The following GRIA4 variants were observed in gnomAD, a reference collection of about 807,000 sequenced individuals.
GRIA4 encodes glutamate receptor 4.
A neutral mutation model predicts 104.0 loss-of-function variants in GRIA4; 34 were observed. The ratio of observed to expected loss-of-function variants is 0.33; its 90% CI spans 0.25 to 0.44. GRIA4 has a LOEUF of 0.44. GRIA4 is among the 20% of genes least tolerant of loss of function. The probability of loss-of-function intolerance (pLI) is 1.00; values close to 1 mark genes in which losing one functional copy is unlikely to be tolerated. For missense variants in GRIA4, 750 were observed against 1,096.5 expected (o/e 0.68, Z 4.46); for synonymous variants, 386 against 381.9 (o/e 1.01, Z -0.13).
At chr11:105,642,099 C>A (rs949414711) in intron 3 of GRIA4, among the ~76,000 whole-genome samples, 3 of 152,064 alleles carry the variant, frequency 2.0e-5, no homozygotes, top group African/African-American at 7.2e-5. Context: ...AGGGCCCACC[C>A]TAATGACCTC....
At chr11:105,911,434 A>T (rs1336274315) in intron 10 of GRIA4, among the ~76,000 whole-genome samples, 1 of 151,932 alleles carries the variant, frequency 6.6e-6, no homozygotes, top group African/African-American at 2.4e-5. Context: ...ACGTCTCTTT[A>T]GGCAAAACAT....
chr11:105,744,834 C>A (rs1939545532), intron 3 of GRIA4, among the ~76,000 whole-genome samples: 1 of 152,060 alleles, frequency 6.6e-6, no homozygotes, highest in African/African-American at 2.4e-5. Context: ...TTTCCCAGGC[C>A]CAGTGTAACC....
rs1243317979 is a variant in GRIA4 at position 105,980,275 on chromosome 11, G to T, written c.*536G>T. On this transcript the variant is annotated 3_prime_UTR_variant, in exon 17 of 17. Transcript: ENST00000282499. ...AAAACCTGTGGGAAAAAAAAATAAAGGAAGTATGTACACTTACTTTGGAGA... is the reference window on the plus strand; with the variant it reads ...AAAACCTGTGGGAAAAAAAAATAAATGAAGTATGTACACTTACTTTGGAGA... 2 of 152,068 alleles carry T rather than the reference G, an allele frequency of 1.3e-5. No individual in the cohort carries two copies. Among genetic ancestry groups the T allele is most frequent in the Non-Finnish European group, 2.9e-5 (2 of 68,024 alleles). The allele number at this position is 152,068 out of a possible 1,614,324, so 9.4% of individuals were successfully genotyped here. A position where few individuals can be genotyped will look rare whatever the true frequency, so the allele number is the denominator to read the frequency against.
At chr11:105,615,329 G>C (rs1203637098) in intron 3 of GRIA4, among the ~76,000 whole-genome samples, 1 of 151,800 alleles carries the variant, frequency 6.6e-6, no homozygotes, top group African/African-American at 2.4e-5. Context: ...ATGCTCATAA[G>C]TCTAAACCTG....
chr11:105,829,092 T>TACACACACACACAC lies in GRIA4; in HGVS notation c.488-32931_488-32930insCACACACACACACA, dbSNP rs1367770399. Among the ~76,000 whole-genome samples, 44 of 58,162 alleles carry TACACACACACACAC rather than the reference T, an allele frequency of 7.6e-4. 1 individual carries two copies. Among genetic ancestry groups the TACACACACACACAC allele is most frequent in the East Asian group, 4.3e-3 (8 of 1,872 alleles). The allele number at this position is 58,162 out of a possible 152,430, so 38.2% of individuals were successfully genotyped here. A position where few individuals can be genotyped will look rare whatever the true frequency, so the allele number is the denominator to read the frequency against. Reference sequence around the variant, plus strand: ...TTATTGTGTGCTATATCCAGTGATGTATACACACACACACAAATAGACTGA... The same window carrying TACACACACACACAC: ...TTATTGTGTGCTATATCCAGTGATGTACACACACACACACATACACACACACACAAATAGACTGA... On this transcript the variant is annotated intron_variant, in intron 4 of 16. Transcript: ENST00000282499.
At chr11:105,955,669 G>A (rs1001169750) in intron 14 of GRIA4, among the ~76,000 whole-genome samples, 1 of 152,070 alleles carries the variant, frequency 6.6e-6, no homozygotes, top group South Asian at 2.1e-4. Flanking sequence ...GGTATTTCTG[G>A]TTCGAGATCC....
intron 14 of GRIA4, among the ~76,000 whole-genome samples, chr11:105,953,730 T>A (rs1014838975): frequency 9.2e-5 from 14 of 152,136 alleles, no homozygotes; most frequent in African/African-American, 3.4e-4. Flanking sequence ...GGAATTTTAG[T>A]TTGATTTCAA....
Position 105,640,822 on chromosome 11 carries a change from T to C in GRIA4, c.247+28388T>C, listed in dbSNP as rs372822587. On this transcript the variant is annotated intron_variant, in intron 3 of 16. Transcript: ENST00000282499. ...CATTTTAGAATTAGATAACTAGTCA[T>C]AGCTAATTATTTTCATTTTGTTTGG... Among the ~76,000 whole-genome samples, 21 of 152,144 alleles carry C rather than the reference T, an allele frequency of 1.4e-4. No individual in the cohort carries two copies. In the East Asian group the frequency reaches 1.9e-3, roughly 14 times the overall value.
At chr11:105,824,551 G>A (rs1379661526) in intron 4 of GRIA4, 1 of 151,998 alleles carries the variant, frequency 6.6e-6, no homozygotes, top group Non-Finnish European at 1.5e-5. Flanking sequence ...TTATAGTTGA[G>A]CCATGTAGAA....
intron 6 of GRIA4, among the ~76,000 whole-genome samples, chr11:105,893,259 A>G (rs2136113763): frequency 6.6e-6 from 1 of 152,230 alleles, no homozygotes; most frequent in East Asian, 1.9e-4. Context: ...ATTTTATTAC[A>G]ATGTTGCCCA....
At chr11:105,690,735 G>T (rs1439923944) in intron 3 of GRIA4, among the ~76,000 whole-genome samples, 1 of 152,156 alleles carries the variant, frequency 6.6e-6, no homozygotes, top group African/African-American at 2.4e-5. Context: ...ACCCACCCAT[G>T]CTGGGTAGTC....
At chr11:105,757,735 C>T (rs1940394468) in intron 4 of GRIA4, among the ~76,000 whole-genome samples, 1 of 152,010 alleles carries the variant, frequency 6.6e-6, no homozygotes, top group African/African-American at 2.4e-5. Flanking sequence ...TATTTCCTTC[C>T]CATTGTCAGT....
chr11:105,882,430 T>C (rs545774367), intron 5 of GRIA4, among the ~76,000 whole-genome samples: 1 of 152,298 alleles, frequency 6.6e-6, no homozygotes, highest in Non-Finnish European at 1.5e-5. Flanking sequence ...AAACTATTGA[T>C]ATATAAAGGA....
chr11:105,629,911 T>A (rs1950988529), intron 3 of GRIA4, among the ~76,000 whole-genome samples: 1 of 152,240 alleles, frequency 6.6e-6, no homozygotes, highest in Admixed American at 6.5e-5. Flanking sequence ...ATTTGCTTAC[T>A]ATAGCTCATT....
At chr11:105,722,605 C>T (rs1373995693) in intron 3 of GRIA4, among the ~76,000 whole-genome samples, 1 of 151,888 alleles carries the variant, frequency 6.6e-6, no homozygotes, top group African/African-American at 2.4e-5. Flanking sequence ...GCAAAAGTTC[C>T]CATCTCATCA....
chr11:105,805,879 C>A (rs1457358418), intron 4 of GRIA4, among the ~76,000 whole-genome samples: 1 of 151,708 alleles, frequency 6.6e-6, no homozygotes, highest in Non-Finnish European at 1.5e-5. Flanking sequence ...TAAATGTGGC[C>A]TAACTGGAAA....
chr11:105,838,453 T>C (rs948010951), intron 4 of GRIA4, among the ~76,000 whole-genome samples: 1 of 152,200 alleles, frequency 6.6e-6, no homozygotes, highest in Admixed American at 6.5e-5. Flanking sequence ...TATAAGGAAA[T>C]TGTATCAAAT....
chr11:105,800,779 A>T (rs1245287500), intron 4 of GRIA4, among the ~76,000 whole-genome samples: 1 of 151,304 alleles, frequency 6.6e-6, no homozygotes, highest in Non-Finnish European at 1.5e-5. Context: ...CTACATTAAA[A>T]ATTTTAATTT....
At chr11:105,788,057 T>C (rs571759055) in intron 4 of GRIA4, among the ~76,000 whole-genome samples, 23 of 152,218 alleles carry the variant, frequency 1.5e-4, no homozygotes, top group African/African-American at 3.6e-4. Context: ...GTACTATTGT[T>C]GACAACAAAA....
Sources: allele counts gnomAD v4.1 joint callset (sites outside exome capture counted in the v4.1 genomes callset), GRCh38; gene constraint gnomAD v4.1.1; transcripts MANE v1.5; gene names NCBI Gene and HGNC (gene_info 2026-07-23, HGNC 2026-07-21).